The following STK3 variants were observed in gnomAD, a reference collection of about 807,000 sequenced individuals.
STK3 encodes the protein serine/threonine kinase 3, also known as serine/threonine-protein kinase 3.
A neutral mutation model predicts 58.0 loss-of-function variants in STK3; 41 were observed. The ratio of observed to expected loss-of-function variants is 0.71; its 90% CI spans 0.55 to 0.92. The LOEUF (loss-of-function observed/expected upper bound fraction) is 0.92. Among genes scored for constraint, STK3 ranks in the 40% least tolerant of loss-of-function variants. The pLI, the probability that STK3 is intolerant of heterozygous loss-of-function variation, is 0.00. For missense variants in STK3, 479 were observed against 602.7 expected (o/e 0.79, Z 2.15); for synonymous variants, 170 against 191.0 (o/e 0.89, Z 0.91).
Position 98,615,059 on chromosome 8 carries a change from C to T in STK3, c.685-18890G>A, listed in dbSNP as rs1288239046. Among the ~76,000 whole-genome samples the T allele has an allele frequency of 5.3e-5, 8 of 152,050 alleles. 1 individual carries two copies. The highest frequency in any genetic ancestry group is 1.7e-4 in the African/African-American group (7 of 41,428). On this transcript the variant is annotated intron_variant, in intron 6 of 10. Coordinates refer to ENST00000419617, the MANE Select transcript of STK3 (RefSeq NM_006281.4). ...GTAACCTCTGCAGACTTAAATGTCC[C>T]TGTCTGACAGCTTTGAAGAGAGCAG... is the stretch of plus-strand genomic sequence containing the variant.
chr8:98,919,341 T>G (rs1172574486), intron 1 of STK3, among the ~76,000 whole-genome samples: 1 of 152,202 alleles, frequency 6.6e-6, no homozygotes. Context: ...GTTGTCTTAG[T>G]AGATAAGCCA....
intron 1 of STK3, among the ~76,000 whole-genome samples, chr8:98,802,683 C>G (rs192380641): frequency 3.2e-4 from 48 of 152,080 alleles, no homozygotes; most frequent in African/African-American, 1.1e-3. Context: ...TTATTTATAA[C>G]AAAATTTAGA....
intron 1 of STK3, among the ~76,000 whole-genome samples, chr8:98,909,950 T>C (rs1232011359): frequency 6.6e-6 from 1 of 152,252 alleles, no homozygotes; most frequent in Non-Finnish European, 1.5e-5. Context: ...TGTACCATTT[T>C]ACATTCCCAC....
chr8:98,753,237 A>G (rs1419681748), intron 3 of STK3, among the ~76,000 whole-genome samples: 1 of 152,224 alleles, frequency 6.6e-6, no homozygotes, highest in Non-Finnish European at 1.5e-5. Flanking sequence ...CCCATCAATG[A>G]TAGACTGGAT....
chr8:98,891,890 A>ACT (rs1838214351), intron 1 of STK3, among the ~76,000 whole-genome samples: 1 of 151,980 alleles, frequency 6.6e-6, no homozygotes, highest in Non-Finnish European at 1.5e-5. Context: ...TCTAGGAAAT[A>ACT]CTCTGGTCCT....
intron 6 of STK3, among the ~76,000 whole-genome samples, chr8:98,647,991 G>C (rs758045510): frequency 5.9e-4 from 90 of 152,118 alleles, no homozygotes; most frequent in Non-Finnish European, 6.3e-4. Flanking sequence ...TTCTACTTGG[G>C]CTTTATTCAA....
At chr8:98,777,207 G>A (rs1376825018) in intron 1 of STK3, among the ~76,000 whole-genome samples, 1 of 152,124 alleles carries the variant, frequency 6.6e-6, no homozygotes, top group East Asian at 1.9e-4. Flanking sequence ...TGAGTCTCCA[G>A]TTGCTCATTC....
intron 3 of STK3, among the ~76,000 whole-genome samples, chr8:98,758,098 C>A (rs1830409087): frequency 6.6e-6 from 1 of 152,150 alleles, no homozygotes; most frequent in Admixed American, 6.5e-5. Context: ...TAAGATATTG[C>A]AGGTTTGATT....
In STK3 at chr8:98,825,661, A is replaced by G. The variant is rs1327619491; in HGVS notation, c.-121T>C. 9.3e-6 allele frequency: 11 copies of G among 1,180,534 alleles called. No homozygotes were observed. Among genetic ancestry groups the G allele is most frequent in the Non-Finnish European group, 1.2e-5 (11 of 943,982 alleles). 73.1% of individuals were successfully genotyped at this position (1,180,534 alleles called of 1,614,324 possible). ...GAGGGAAACTCTGGGAACTCGGACC[A>G]ACTTTCCCGTAACTCCGCGGCGGAT... On this transcript the variant is annotated 5_prime_UTR_variant, in exon 1 of 11. Coordinates refer to ENST00000419617, the MANE Select transcript of STK3 (RefSeq NM_006281.4).
chr8:98,903,006 CA>C (rs1206810601), intron 1 of STK3, among the ~76,000 whole-genome samples: 1 of 152,170 alleles, frequency 6.6e-6, no homozygotes, highest in Non-Finnish European at 1.5e-5. Context: ...AGACAAAACC[CA>C]AATTCCCTAA....
intron 1 of STK3, among the ~76,000 whole-genome samples, chr8:98,940,293 G>A (rs1169764476): frequency 6.6e-6 from 1 of 152,194 alleles, no homozygotes; most frequent in Non-Finnish European, 1.5e-5. Context: ...ACGGTGGCCT[G>A]GGTGGCCTTG....
chr8:98,556,321 A>G (rs187207618), intron 8 of STK3, among the ~76,000 whole-genome samples: 32 of 152,196 alleles, frequency 2.1e-4, no homozygotes, highest in Middle Eastern at 3.4e-3. Flanking sequence ...TGAACCCTCA[A>G]CTCACACCAT....
intron 1 of STK3, chr8:98,905,072 A>G: frequency 1.7e-6 from 2 of 1,184,500 alleles, no homozygotes; most frequent in East Asian, 2.4e-5. Flanking sequence ...AAGGCGTGTG[A>G]ACTGCTGCAT....
chr8:98,539,658 T>C (rs1810064912), intron 9 of STK3, among the ~76,000 whole-genome samples: 1 of 152,258 alleles, frequency 6.6e-6, no homozygotes, highest in African/African-American at 2.4e-5. Context: ...TAGTAAATAT[T>C]ATTTAACCCA....
intron 7 of STK3, among the ~76,000 whole-genome samples, chr8:98,588,208 C>A (rs369624933): frequency 6.6e-6 from 1 of 151,910 alleles, no homozygotes; most frequent in African/African-American, 2.4e-5. Context: ...GGTCTTTACA[C>A]TTTGGCATGA....
intron 4 of STK3, among the ~76,000 whole-genome samples, chr8:98,746,993 GA>G (rs1177255525): frequency 2.0e-5 from 3 of 150,268 alleles, no homozygotes; most frequent in African/African-American, 4.9e-5. Context: ...AGTGAACTGT[GA>G]TCACACCACT....
At chr8:98,356,213 C>T in the STK3 span, among the ~76,000 whole-genome samples, 3 of 152,224 alleles carry the variant, frequency 2.0e-5, no homozygotes, top group African/African-American at 7.2e-5. Context: ...TCTGGGTCCC[C>T]CTTGAATCCC....
intron 1 of STK3, among the ~76,000 whole-genome samples, chr8:98,937,180 A>G (rs1840228242): frequency 6.6e-6 from 1 of 151,624 alleles, no homozygotes; most frequent in African/African-American, 2.4e-5. Context: ...CTCTTCCCTT[A>G]CTCCTCCTCC....
chr8:98,525,241 T>C (rs1230555554), intron 10 of STK3, among the ~76,000 whole-genome samples: 1 of 151,762 alleles, frequency 6.6e-6, no homozygotes, highest in Admixed American at 6.6e-5. Flanking sequence ...GGACACAGAG[T>C]GCGGAATAAT....
Sources: allele counts gnomAD v4.1 joint callset (sites outside exome capture counted in the v4.1 genomes callset), GRCh38; gene constraint gnomAD v4.1.1; transcripts MANE v1.5; gene names NCBI Gene and HGNC (gene_info 2026-07-23, HGNC 2026-07-21).